PHACTR3: variants seen among roughly 807,000 people sequenced by gnomAD.
PHACTR3 encodes protein phosphatase 1, regulatory subunit 123.
In PHACTR3, 16 loss-of-function variants were observed where a neutral mutation model predicts 66.8. The ratio of observed to expected loss-of-function variants is 0.24; its 90% CI spans 0.16 to 0.36. The LOEUF (loss-of-function observed/expected upper bound fraction) is 0.36. Ranked by LOEUF, PHACTR3 falls within the 10% of genes least tolerant of loss-of-function variation. The probability of loss-of-function intolerance (pLI) is 1.00; values close to 1 mark genes in which losing one functional copy is unlikely to be tolerated. For synonymous variants in PHACTR3, 323 were observed against 292.1 expected, an observed-to-expected ratio of 1.11 and a Z score of -1.08; for missense variants, 647 against 719.9, an observed-to-expected ratio of 0.90 and a Z score of 1.16.
intron 8 of PHACTR3, among the ~76,000 whole-genome samples, chr20:59,811,704 G>T (rs1042928562): frequency 2.0e-5 from 3 of 151,668 alleles, no homozygotes; most frequent in African/African-American, 7.3e-5. Context: ...ATGGAGCAGT[G>T]GGGGGTTGGA....
chr20:59,771,237 G>A (rs547730188), intron 5 of PHACTR3, among the ~76,000 whole-genome samples: 2 of 152,280 alleles, frequency 1.3e-5, no homozygotes, highest in South Asian at 4.1e-4. Flanking sequence ...ATGGGGCTGG[G>A]GTGAGAAGTA....
chr20:59,686,965 G>T (rs1160945752), intron 1 of PHACTR3, among the ~76,000 whole-genome samples: 1 of 147,034 alleles, frequency 6.8e-6, no homozygotes, highest in African/African-American at 2.5e-5. Context: ...GATGATGATG[G>T]TGATTGTGAT....
intron 3 of PHACTR3, among the ~76,000 whole-genome samples, chr20:59,751,909 C>G (rs763137434): frequency 6.6e-5 from 10 of 152,140 alleles, no homozygotes; most frequent in Non-Finnish European, 1.2e-4. Flanking sequence ...CCCCAGCCCC[C>G]TTGCCCTGGT....
chr20:59,846,094 C>T (rs758980128), intron 12 of PHACTR3, among the ~76,000 whole-genome samples: 9 of 152,140 alleles, frequency 5.9e-5, no homozygotes, highest in Non-Finnish European at 1.3e-4. Flanking sequence ...TCAACTGTAT[C>T]AGTTGCTTTG....
chr20:59,604,826 C>T lies in PHACTR3; in HGVS notation c.-189C>T, dbSNP rs1568928027. ...GCAGCCGGCGAGGCTATTGTCTCCC[C>T]GCCCTGAAGCCAGCCCCGGCGTCTT... On this transcript the variant is annotated 5_prime_UTR_variant, in exon 1 of 13. Coordinates refer to ENST00000371015, the MANE Select transcript of PHACTR3 (RefSeq NM_080672.5). 6 of 1,212,294 alleles carry T rather than the reference C, an allele frequency of 4.9e-6. No individual in the cohort carries two copies. The highest frequency in any genetic ancestry group is 6.1e-6 in the Non-Finnish European group (6 of 976,798). 75.1% of individuals were successfully genotyped at this position (1,212,294 alleles called of 1,614,324 possible).
chr20:59,749,220 T>C (rs2039488331), intron 3 of PHACTR3, among the ~76,000 whole-genome samples: 1 of 152,134 alleles, frequency 6.6e-6, no homozygotes, highest in Admixed American at 6.5e-5. Context: ...TTTGAATATG[T>C]TGCCAACAAG....
At chr20:59,591,596 C>T (rs577429774) in intron 1 of PHACTR3, among the ~76,000 whole-genome samples, 25 of 152,274 alleles carry the variant, frequency 1.6e-4, no homozygotes, top group African/African-American at 6.0e-4. Context: ...TTAGGGGATT[C>T]TGCCTTCTTT....
At chr20:59,630,902 G>A (rs1411020981) in intron 1 of PHACTR3, among the ~76,000 whole-genome samples, 1 of 152,184 alleles carries the variant, frequency 6.6e-6, no homozygotes, top group Non-Finnish European at 1.5e-5. Flanking sequence ...GAGGAGGAAA[G>A]TTACACCTGA....
chr20:59,748,861 C>A (rs900691540), intron 3 of PHACTR3, among the ~76,000 whole-genome samples: 1 of 152,160 alleles, frequency 6.6e-6, no homozygotes, highest in Admixed American at 6.5e-5. Flanking sequence ...GCCCAAATAT[C>A]AGGAATTAGG....
At chr20:59,582,471 C>A (rs1436862677) in intron 1 of PHACTR3, among the ~76,000 whole-genome samples, 1 of 152,200 alleles carries the variant, frequency 6.6e-6, no homozygotes, top group Non-Finnish European at 1.5e-5. Flanking sequence ...AATGGAACTC[C>A]TGGGGCTTAG....
At chr20:59,707,504 A>G (rs1601152261) in intron 1 of PHACTR3, among the ~76,000 whole-genome samples, 1 of 121,372 alleles carries the variant, frequency 8.2e-6, no homozygotes, top group Admixed American at 1.1e-4. Context: ...TCTGTCTCCC[A>G]GGTTGGAGTG....
intron 1 of PHACTR3, among the ~76,000 whole-genome samples, chr20:59,639,127 G>C (rs2035013606): frequency 6.6e-6 from 1 of 151,798 alleles, no homozygotes; most frequent in South Asian, 2.1e-4. Context: ...GTTGATGATG[G>C]CTAGGTAGAT....
chr20:59,652,973 G>A (rs2035503951), intron 1 of PHACTR3, among the ~76,000 whole-genome samples: 1 of 152,176 alleles, frequency 6.6e-6, no homozygotes. Context: ...AGCACTAACG[G>A]TTGCCTATAG....
intron 1 of PHACTR3, among the ~76,000 whole-genome samples, chr20:59,589,106 G>T (rs1013468552): frequency 2.0e-5 from 3 of 152,206 alleles, no homozygotes; most frequent in African/African-American, 7.2e-5. Flanking sequence ...GTCCGTGACC[G>T]CAAACTGCAG....
intron 1 of PHACTR3, among the ~76,000 whole-genome samples, chr20:59,741,383 T>A (rs762724610): frequency 6.6e-6 from 1 of 152,204 alleles, no homozygotes; most frequent in Non-Finnish European, 1.5e-5. Flanking sequence ...CCCACGGGTC[T>A]GCGATCTTCC....
intron 4 of PHACTR3, among the ~76,000 whole-genome samples, chr20:59,761,220 G>GCACC (rs2146844353): frequency 6.6e-6 from 1 of 152,162 alleles, no homozygotes; most frequent in East Asian, 1.9e-4. Flanking sequence ...AGGGAGGGGT[G>GCACC]CCTCCCTCCC....
At chr20:59,685,822 T>C (rs920818359) in intron 1 of PHACTR3, among the ~76,000 whole-genome samples, 1 of 152,204 alleles carries the variant, frequency 6.6e-6, no homozygotes, top group African/African-American at 2.4e-5. Flanking sequence ...CGTTACAGTC[T>C]GGCCTGATTG....
chr20:59,737,741 A>G (rs1002669260), intron 1 of PHACTR3, among the ~76,000 whole-genome samples: 1 of 152,150 alleles, frequency 6.6e-6, no homozygotes, highest in East Asian at 1.9e-4. Flanking sequence ...CCACAAAGGC[A>G]GGCATCGTCT....
At chr20:59,791,409 C>T (rs1443683344) in intron 7 of PHACTR3, among the ~76,000 whole-genome samples, 1 of 152,074 alleles carries the variant, frequency 6.6e-6, no homozygotes, top group Non-Finnish European at 1.5e-5. Flanking sequence ...CTAAGATGGG[C>T]TCTAATTCTG....
Sources: gnomAD v4.1 joint callset for allele counts (sites outside exome capture counted in the v4.1 genomes callset) on GRCh38, gnomAD v4.1.1 for gene constraint, MANE v1.5 for transcripts, NCBI Gene and HGNC (gene_info 2026-07-23, HGNC 2026-07-21) for gene names.